Variants in NTM observed in about 807,000 individuals in gnomAD.
NTM encodes the protein IgLON family member 2.
In NTM, 13 loss-of-function variants were observed where a neutral mutation model predicts 42.1. The observed-to-expected ratio is 0.31, with a 90% confidence interval of 0.20 to 0.49. NTM has a LOEUF of 0.49. NTM is among the 20% of genes least tolerant of loss of function. The pLI, the probability that NTM is intolerant of heterozygous loss-of-function variation, is 0.99. For missense variants in NTM, 373 were observed against 452.8 expected, an observed-to-expected ratio of 0.82 and a Z score of 1.60; for synonymous variants, 187 against 179.2, an observed-to-expected ratio of 1.04 and a Z score of -0.35.
At chr11:132,140,575 A>G (rs2068890148) in intron 2 of NTM, among the ~76,000 whole-genome samples, 1 of 152,220 alleles carries the variant, frequency 6.6e-6, no homozygotes, top group Non-Finnish European at 1.5e-5. Flanking sequence ...TCTAAAAGAA[A>G]TCCAGTAGGG....
chr11:131,439,075 G>A (rs1949384665), intron 1 of NTM, among the ~76,000 whole-genome samples: 2 of 152,172 alleles, frequency 1.3e-5, no homozygotes, highest in African/African-American at 4.8e-5. Flanking sequence ...GTTTGCTGGA[G>A]GTCCACTCCA....
chr11:132,197,605 C>A (rs796242457), intron 3 of NTM, among the ~76,000 whole-genome samples: 2 of 150,578 alleles, frequency 1.3e-5, no homozygotes, highest in South Asian at 4.3e-4. Flanking sequence ...CCCATTAACT[C>A]GTCATTGACA....
At chr11:132,112,092 A>G (rs1566192033) in intron 2 of NTM, among the ~76,000 whole-genome samples, 1 of 152,136 alleles carries the variant, frequency 6.6e-6, no homozygotes, top group African/African-American at 2.4e-5. Context: ...GCCAAGCTAT[A>G]TTTCCCCATC....
At chr11:131,934,502 C>T (rs2059001151) in intron 2 of NTM, among the ~76,000 whole-genome samples, 5 of 152,078 alleles carry the variant, frequency 3.3e-5, no homozygotes, top group Admixed American at 3.3e-4. Context: ...TTATTATGTG[C>T]ATGTGATGTA....
At chr11:131,896,717 C>G (rs1341139655) in intron 1 of NTM, among the ~76,000 whole-genome samples, 2 of 126,192 alleles carry the variant, frequency 1.6e-5, no homozygotes, top group Admixed American at 9.0e-5. Flanking sequence ...GAGACGGAGT[C>G]TGGCTCTGTC....
chr11:132,310,407 C>T (rs924947256), intron 6 of NTM, among the ~76,000 whole-genome samples, 175 bp downstream of exon 6: 7 of 152,110 alleles, frequency 4.6e-5, no homozygotes, highest in Non-Finnish European at 8.8e-5. Flanking sequence ...ATTTCAGCTA[C>T]GTTTTTAATG....
chr11:131,437,801 G>T (rs916292204), intron 1 of NTM, among the ~76,000 whole-genome samples: 3 of 152,140 alleles, frequency 2.0e-5, no homozygotes, highest in African/African-American at 7.2e-5. Flanking sequence ...GGTTAATATT[G>T]TTACATGTGA....
At chr11:132,263,557 C>T (rs750867328) in intron 4 of NTM, among the ~76,000 whole-genome samples, 17 of 152,132 alleles carry the variant, frequency 1.1e-4, no homozygotes, top group East Asian at 1.9e-4. Context: ...TTGTATAATT[C>T]GGACCAGCTG....
chr11:131,962,773 C>A (rs2062365868), intron 2 of NTM, among the ~76,000 whole-genome samples: 1 of 152,196 alleles, frequency 6.6e-6, no homozygotes, highest in Non-Finnish European at 1.5e-5. Flanking sequence ...TTCTTGTCAG[C>A]TGGGGCTCAG....
intron 2 of NTM, among the ~76,000 whole-genome samples, chr11:132,069,546 A>C: frequency 6.6e-6 from 1 of 150,670 alleles, no homozygotes; most frequent in South Asian, 2.1e-4. Flanking sequence ...CACGTCACCC[A>C]GCCAAGTTAA....
chr11:131,914,542 T>A (rs749673481), intron 2 of NTM, among the ~76,000 whole-genome samples: 8 of 152,224 alleles, frequency 5.3e-5, no homozygotes, highest in Non-Finnish European at 1.0e-4. Context: ...ATTTTGAGGA[T>A]CTTTTGCAGT....
chr11:131,636,602 G>C (rs2064426628), intron 1 of NTM, among the ~76,000 whole-genome samples: 1 of 152,188 alleles, frequency 6.6e-6, no homozygotes. Context: ...TGAAACGTGT[G>C]CTTGCAGTCG....
intron 1 of NTM, among the ~76,000 whole-genome samples, chr11:131,478,179 A>G (rs1214987330): frequency 6.6e-6 from 1 of 152,058 alleles, no homozygotes; most frequent in Non-Finnish European, 1.5e-5. Flanking sequence ...TTCTTGTGGC[A>G]CCTAACTTTT....
chr11:131,966,330 A>G (rs1368823499), intron 2 of NTM, among the ~76,000 whole-genome samples: 1 of 152,220 alleles, frequency 6.6e-6, no homozygotes, highest in Non-Finnish European at 1.5e-5. Context: ...AACAAAACCA[A>G]CAAATACACT....
chr11:131,524,881 C>A (rs1009099552), intron 1 of NTM, among the ~76,000 whole-genome samples: 5 of 152,168 alleles, frequency 3.3e-5, no homozygotes, highest in Admixed American at 6.5e-5. Flanking sequence ...TTTCTCTGAG[C>A]CTGGGTTGCC....
intron 1 of NTM, among the ~76,000 whole-genome samples, chr11:131,555,885 C>T (rs2055341378): frequency 6.6e-6 from 1 of 152,180 alleles, no homozygotes; most frequent in Admixed American, 6.5e-5. Flanking sequence ...GGAGTGATGG[C>T]ACCATGAAGC....
intron 2 of NTM, among the ~76,000 whole-genome samples, chr11:131,948,794 T>G (rs2060658090): frequency 6.6e-6 from 1 of 152,204 alleles, no homozygotes; most frequent in African/African-American, 2.4e-5. Flanking sequence ...CTGAGAAATG[T>G]CCATATATTT....
At chr11:132,268,396 C>A (rs887229971) in intron 4 of NTM, among the ~76,000 whole-genome samples, 3 of 152,212 alleles carry the variant, frequency 2.0e-5, no homozygotes, top group African/African-American at 7.2e-5. Flanking sequence ...ATGAGGAATT[C>A]AGACTCCATG....
At chr11:131,485,946 G>A (rs956896256) in intron 1 of NTM, among the ~76,000 whole-genome samples, 1 of 152,098 alleles carries the variant, frequency 6.6e-6, no homozygotes, top group African/African-American at 2.4e-5. Flanking sequence ...ATGTGACCTT[G>A]GGCAAATTAT....
Sources: allele counts gnomAD v4.1 joint callset (sites outside exome capture counted in the v4.1 genomes callset), GRCh38; gene constraint gnomAD v4.1.1; transcripts MANE v1.5; gene names NCBI Gene and HGNC (gene_info 2026-07-23, HGNC 2026-07-21).